TRIM56: variants seen among roughly 807,000 people sequenced by gnomAD.
TRIM56 encodes the protein E3 ubiquitin-protein ligase TRIM56.
TRIM56 carries 10 observed loss-of-function variants against 17.1 expected under a neutral mutation model. That is an observed-to-expected ratio of 0.58 (90% confidence interval 0.36 to 0.99). TRIM56 has a LOEUF of 0.99. Among genes scored for constraint, TRIM56 ranks in the 50% least tolerant of loss-of-function variants. The pLI, the probability that TRIM56 is intolerant of heterozygous loss-of-function variation, is 0.01. For synonymous variants in TRIM56, 503 were observed against 473.5 expected (o/e 1.06, Z -0.81); for missense variants, 923 against 1,052.3 (o/e 0.88, Z 1.70).
rs11761638 is a variant in TRIM56 at position 101,089,819 on chromosome 7, G to A, written c.*239G>A. The A allele has an allele frequency of 0.6, 274,950 of 457,660 alleles. 84,082 individuals are homozygous for A. The highest frequency in any genetic ancestry group is 0.64 in the Non-Finnish European group (159,560 of 248,846). The allele number at this position is 457,660 out of a possible 1,614,324, so 28.3% of individuals were successfully genotyped here. A position where few individuals can be genotyped will look rare whatever the true frequency, so the allele number is the denominator to read the frequency against. On this transcript the variant is annotated 3_prime_UTR_variant, in exon 3 of 3. Coordinates refer to ENST00000306085, the MANE Select transcript of TRIM56 (RefSeq NM_030961.3). ...AGGTGGGTGGAGGGGGATGCTGGGAGTTCACCTGCCTCTTGCTTTTTGTGG... is the reference window on the plus strand; with the variant it reads ...AGGTGGGTGGAGGGGGATGCTGGGAATTCACCTGCCTCTTGCTTTTTGTGG...
chr7:101,089,018 G>C lies in TRIM56; in HGVS notation c.1706G>C (p.Arg569Pro). Residue 569 changes from arginine (R) to proline (P), a missense_variant, in exon 3 of 3, where the codon CGG (arginine) becomes CCG (proline). Arg to Pro is a moderately radical substitution (Grantham distance 103). Around this residue, in one of 3 missense-constraint regions of TRIM56, gnomAD observed 643 missense variants for 665.6 expected, o/e 0.97. Coordinates refer to ENST00000306085, the MANE Select transcript of TRIM56 (RefSeq NM_030961.3). ...GCGGTGGCCTTCTCCGCTAGCGCAC[G>C]GCTCTATCTCATCAACCCCAACGGC... ...QSAVAFSASARLYLINPNGEV... is the reference protein window; with the variant it reads ...QSAVAFSASAPLYLINPNGEV... 6.2e-7 allele frequency: 1 copy of C among 1,605,808 alleles called. No homozygotes were observed. The highest frequency in any genetic ancestry group is 8.5e-7 in the Non-Finnish European group (1 of 1,179,524).
chr7:101,088,231 G>T lies in TRIM56; in HGVS notation c.919G>T (p.Ala307Ser). 6.9e-7 allele frequency: 1 copy of T among 1,459,494 alleles called. No individual in the cohort carries two copies. 90.4% of individuals were successfully genotyped at this position (1,459,494 alleles called of 1,614,324 possible). ...GGAGCAGGTGGCCAGGGCCGCAGCC[G>T]CCTTCGCCCGCCGGGTACTCAGCCT... ...GREQVARAAA[A>S]FARRVLSLGR... The change falls in exon 3 of 3, where the codon GCC becomes TCC. Residue 307 changes from alanine (A) to serine (S), a missense_variant. Coordinates refer to ENST00000306085, the MANE Select transcript of TRIM56 (RefSeq NM_030961.3).
rs773971968 is a variant in TRIM56, at chr7:101,089,034, C to T, written c.1722C>T (p.Asn574=). ...FSASARLYLI[N]PNGEVQWRRA... Reference sequence around the variant, plus strand: ...CTAGCGCACGGCTCTATCTCATCAACCCCAACGGCGAAGTGCAGTGGCGCA... The same window carrying T: ...CTAGCGCACGGCTCTATCTCATCAATCCCAACGGCGAAGTGCAGTGGCGCA... The change falls in exon 3 of 3, where the codon AAC becomes AAT. Residue 574 remains asparagine, a synonymous_variant. Transcript: ENST00000306085. 1.2e-6 allele frequency: 2 copies of T among 1,603,882 alleles called. No homozygotes were observed. The highest frequency in any genetic ancestry group is 1.1e-5 in the South Asian group (1 of 90,970).
rs1795493532 is a variant in TRIM56 at position 101,088,374 on chromosome 7, C to T, written c.1062C>T (p.Leu354=). ...PAPCLLPQLE[L]HPGLLDKNCH... is the part of the protein sequence containing the mutation. The stretch of plus-strand genomic sequence containing the variant: ...CCTGCCTGCTCCCACAGCTGGAGCT[C>T]CATCCTGGGCTCCTGGACAAGAACT... Residue 354 remains leucine, a synonymous_variant, in exon 3 of 3, where the codon CTC becomes CTT. Coordinates refer to ENST00000306085, the MANE Select transcript of TRIM56 (RefSeq NM_030961.3). 6.4e-7 allele frequency: 1 copy of T among 1,566,996 alleles called. No homozygotes were observed. Among genetic ancestry groups the T allele is most frequent in the Non-Finnish European group, 8.6e-7 (1 of 1,157,068 alleles).
At chr7:101,086,406 C>G (rs1795449160) in intron 1 of TRIM56, among the ~76,000 whole-genome samples, 1 of 151,904 alleles carries the variant, frequency 6.6e-6, no homozygotes, top group South Asian at 2.1e-4. Flanking sequence ...ACTAAACATA[C>G]AAAAATTAGC....
rs1041183246 is a variant in TRIM56 at position 101,087,978 on chromosome 7, T to C, written c.666T>C (p.Gly222=). The C allele has an allele frequency of 5.0e-6, 8 of 1,593,412 alleles. No homozygotes were observed. The highest frequency in any genetic ancestry group is 2.2e-5 in the East Asian group (1 of 44,584). ...RRPGLEGLLA[G]VDNNLVELEA... is the part of the protein sequence containing the mutation. ...CGGGCCTGGAGGGACTGCTGGCCGG[T>C]GTGGACAATAACCTGGTGGAGCTGG... Residue 222 remains glycine, a synonymous_variant, in exon 3 of 3, where the codon GGT becomes GGC. Transcript: ENST00000306085.
At position 101,087,299 on chromosome 7, in the gene TRIM56, C is replaced by A; in HGVS notation, c.-1-13C>A. ...TGCCTTCTCAACTCTGATCCTGACG[C>A]CTCTGCCTGCAGCATGGTTTCCCAC... On this transcript the variant is annotated splice_polypyrimidine_tract_variant and intron_variant, in intron 2 of 2. Transcript: ENST00000306085. 1 of 1,606,438 alleles carries A rather than the reference C, an allele frequency of 6.2e-7. No individual in the cohort carries two copies.
Position 101,088,890 on chromosome 7 carries a change from G to A in TRIM56, c.1578G>A (p.Glu526=), listed in dbSNP as rs371237125. The part of the protein sequence containing the change: ...FGPREILVAD[E]QNRALKRFSL... The stretch of plus-strand genomic sequence containing the variant: ...CCCGGGAGATCCTGGTGGCGGATGA[G>A]CAGAACCGGGCACTGAAACGCTTCT... Residue 526 remains glutamate (E), a synonymous_variant, in exon 3 of 3, where the codon GAG becomes GAA. Coordinates refer to ENST00000306085, the MANE Select transcript of TRIM56 (RefSeq NM_030961.3). The A allele has an allele frequency of 1.2e-6, 2 of 1,613,778 alleles. No individual in the cohort carries two copies. Among genetic ancestry groups the A allele is most frequent in the African/African-American group, 1.3e-5 (1 of 74,954 alleles).
In TRIM56 at chr7:101,088,787, T is replaced by G; in HGVS notation, c.1475T>G (p.Ile492Ser). The G allele has an allele frequency of 6.2e-7, 1 of 1,613,810 alleles. No individual in the cohort carries two copies. Among genetic ancestry groups the G allele is most frequent in the Non-Finnish European group, 8.5e-7 (1 of 1,180,018 alleles). ...GGCTCTGGCCTCCTCCCCAGACCCA[T>G]CTTTTACTGCAGTTTCCCCACGCGG... ...LDGSGLLPRP[I>S]FYCSFPTRMP... The change falls in exon 3 of 3, where the codon ATC becomes AGC. Residue 492 changes from isoleucine to serine, a missense_variant. Ile to Ser is a moderately radical substitution (Grantham distance 142, BLOSUM62 -2). Around this residue, in one of 3 missense-constraint regions of TRIM56, gnomAD observed 643 missense variants for 665.6 expected, o/e 0.97. Transcript: ENST00000306085.
chr7:101,090,245 G>A lies in TRIM56; in HGVS notation c.*665G>A, dbSNP rs1795538728. 1 of 167,042 alleles carries A rather than the reference G, an allele frequency of 6.0e-6. No homozygotes were observed. The highest frequency in any genetic ancestry group is 6.5e-5 in the Admixed American group (1 of 15,268). The allele number at this position is 167,042 out of a possible 1,614,324, so 10.3% of individuals were successfully genotyped here. A position where few individuals can be genotyped will look rare whatever the true frequency, so the allele number is the denominator to read the frequency against. Reference sequence around the variant, plus strand: ...AGGCTGCGAAGAGAATAGGCTACTGGAAAACCAAACCCAACAGAATTCACG... The same window carrying A: ...AGGCTGCGAAGAGAATAGGCTACTGAAAAACCAAACCCAACAGAATTCACG... On this transcript the variant is annotated 3_prime_UTR_variant, in exon 3 of 3. Coordinates refer to ENST00000306085, the MANE Select transcript of TRIM56 (RefSeq NM_030961.3).
chr7:101,087,343 C>A lies in TRIM56; in HGVS notation c.31C>A (p.Leu11Met). 1 of 1,613,078 alleles carries A rather than the reference C, an allele frequency of 6.2e-7. No individual in the cohort carries two copies. The highest frequency in any genetic ancestry group is 1.1e-5 in the South Asian group (1 of 91,080). The change falls in exon 3 of 3, where the codon CTG becomes ATG. Residue 11 changes from leucine to methionine, a missense_variant. Leu to Met is a conservative substitution (Grantham distance 15, BLOSUM62 2). Around this residue, in one of 3 missense-constraint regions of TRIM56, gnomAD observed 98 missense variants for 143.6 expected, o/e 0.68. Transcript: ENST00000306085. Reference sequence around the variant, plus strand: ...TTCCCACGGGTCCTCGCCCTCCCTCCTGGAGGCCCTGAGCAGCGACTTCCT... The same window carrying A: ...TTCCCACGGGTCCTCGCCCTCCCTCATGGAGGCCCTGAGCAGCGACTTCCT... MVSHGSSPSL[L>M]EALSSDFLAC... is the part of the protein sequence containing the mutation.
rs2116544889 is a variant in TRIM56, at chr7:101,094,698, A to G, written c.*5118A>G. ...GGGGTCCCCCCTGCCAGGTGATCGA[A>G]TTATCGTGGAGTGTCTGGAAGGCGG... On this transcript the variant is annotated 3_prime_UTR_variant, in exon 3 of 3. Coordinates refer to ENST00000306085, the MANE Select transcript of TRIM56 (RefSeq NM_030961.3). 1 of 151,934 alleles carries G rather than the reference A, an allele frequency of 6.6e-6. No homozygotes were observed. The highest frequency in any genetic ancestry group is 2.1e-4 in the South Asian group (1 of 4,794). The allele number at this position is 151,934 out of a possible 1,614,324, so 9.4% of individuals were successfully genotyped here.
At position 101,088,091 on chromosome 7, in the gene TRIM56, A is replaced by G. The variant is rs1160668648; in HGVS notation, c.779A>G (p.Glu260Gly). 3.3e-6 allele frequency: 5 copies of G among 1,513,546 alleles called. No homozygotes were observed. In the South Asian group the frequency reaches 4.9e-5, roughly 15 times the overall value. 93.8% of individuals were successfully genotyped at this position (1,513,546 alleles called of 1,614,324 possible). ...RVGTQVEEAA[E>G]GVLRALLAQK... ...GGGACTCAGGTGGAGGAGGCGGCTG[A>G]GGGCGTCCTCCGGGCCCTGCTGGCC... The change falls in exon 3 of 3, where the codon GAG (glutamate) becomes GGG (glycine). Residue 260 changes from glutamate to glycine, a missense_variant. Glu to Gly is a moderately conservative substitution (Grantham distance 98). Transcript: ENST00000306085.
In TRIM56 at chr7:101,090,863, G is replaced by T. The variant is rs1051399135; in HGVS notation, c.*1283G>T. 2 of 152,164 alleles carry T rather than the reference G, an allele frequency of 1.3e-5. No homozygotes were observed. Among genetic ancestry groups the T allele is most frequent in the African/African-American group, 4.8e-5 (2 of 41,392 alleles). The allele number at this position is 152,164 out of a possible 1,614,324, so 9.4% of individuals were successfully genotyped here. A position where few individuals can be genotyped will look rare whatever the true frequency, so the allele number is the denominator to read the frequency against. On this transcript the variant is annotated 3_prime_UTR_variant, in exon 3 of 3. Transcript: ENST00000306085. ...TGTCTTTCCATTTCCCAGGGTCTAT[G>T]TGTTGCCTTCTCTTCATTTTCCAGC...
At chr7:101,085,914 A>C (rs757142009) in intron 1 of TRIM56, among the ~76,000 whole-genome samples, 3 of 152,208 alleles carry the variant, frequency 2.0e-5, no homozygotes, top group Non-Finnish European at 4.4e-5. Flanking sequence ...TGCATTCAGC[A>C]GGAAAAGCTA....
rs1408042639 is a variant in TRIM56 at position 101,087,582 on chromosome 7, C to T, written c.270C>T (p.Ala90=). 3.1e-6 allele frequency: 5 copies of T among 1,612,718 alleles called. No individual in the cohort carries two copies. The highest frequency in any genetic ancestry group is 2.2e-5 in the East Asian group (1 of 44,856). ...NGLLDLVKAR[A]CGDLRAGKPA... is the part of the protein sequence containing the mutation. ...TGCTGGACCTGGTGAAGGCCCGGGC[C>T]TGTGGAGACCTGCGTGCCGGGAAGC... is the stretch of plus-strand genomic sequence containing the variant. The change falls in exon 3 of 3, where the codon GCC becomes GCT. Residue 90 remains alanine (A), a synonymous_variant. Transcript: ENST00000306085.
At position 101,087,957 on chromosome 7, in the gene TRIM56, C is replaced by T. The variant is rs770964774; in HGVS notation, c.645C>T (p.Gly215=). The T allele has an allele frequency of 2.5e-6, 4 of 1,597,630 alleles. No individual in the cohort carries two copies. The highest frequency in any genetic ancestry group is 2.2e-5 in the East Asian group (1 of 44,680). Residue 215 remains glycine (G), a synonymous_variant, in exon 3 of 3, where the codon GGC becomes GGT. Coordinates refer to ENST00000306085, the MANE Select transcript of TRIM56 (RefSeq NM_030961.3). ...LAEAVRARRP[G]LEGLLAGVDN... is the part of the protein sequence containing the mutation. ...AAGCTGTGCGTGCCCGGAGGCCGGG[C>T]CTGGAGGGACTGCTGGCCGGTGTGG...
rs751094955 is a variant in TRIM56, at chr7:101,089,778, C to T, written c.*198C>T. 3 of 539,852 alleles carry T rather than the reference C, an allele frequency of 5.6e-6. No individual in the cohort carries two copies. Among genetic ancestry groups the T allele is most frequent in the Non-Finnish European group, 6.6e-6 (2 of 301,116 alleles). The allele number at this position is 539,852 out of a possible 1,614,324, so 33.4% of individuals were successfully genotyped here. ...AAGGTGGTGGCGTGACCTTAACTCT[C>T]AGAAGCAGAGGAGGCAGGTGGGTGG... On this transcript the variant is annotated 3_prime_UTR_variant, in exon 3 of 3. Coordinates refer to ENST00000306085, the MANE Select transcript of TRIM56 (RefSeq NM_030961.3).
rs1436297343 is a variant in TRIM56, at chr7:101,093,540, AAAAG to A, written c.*3965_*3968del. On this transcript the variant is annotated 3_prime_UTR_variant, in exon 3 of 3. Coordinates refer to ENST00000306085, the MANE Select transcript of TRIM56 (RefSeq NM_030961.3). Reference sequence around the variant, plus strand: ...AAAATAATAATAATTAAAAAAAAAAAAAAGAAAGGCTGGACGCGGTGGCTCACAC... The same window carrying A: ...AAAATAATAATAATTAAAAAAAAAAAAAAGGCTGGACGCGGTGGCTCACAC... 4 of 151,618 alleles carry A rather than the reference AAAAG, an allele frequency of 2.6e-5. No homozygotes were observed. The highest frequency in any genetic ancestry group is 2.4e-5 in the African/African-American group (1 of 41,474). 9.4% of individuals were successfully genotyped at this position (151,618 alleles called of 1,614,324 possible). A position where few individuals can be genotyped will look rare whatever the true frequency, so the allele number is the denominator to read the frequency against.
Sources: allele counts gnomAD v4.1 joint callset (sites outside exome capture counted in the v4.1 genomes callset), GRCh38; gene constraint gnomAD v4.1.1; regional missense constraint gnomAD v4.1.1; transcripts MANE v1.5; gene names NCBI Gene and HGNC (gene_info 2026-07-23, HGNC 2026-07-21).